The following OAT variants were observed in gnomAD, a reference collection of about 807,000 sequenced individuals.
OAT encodes the protein ornithine aminotransferase.
A neutral mutation model predicts 48.4 loss-of-function variants in OAT; 35 were observed. The observed-to-expected ratio is 0.72, with a 90% CI of 0.55 to 0.96. The LOEUF is 0.96. OAT is among the 40% of genes least tolerant of loss of function. The pLI, the probability that OAT is intolerant of heterozygous loss-of-function variation, is 0.00. For missense variants in OAT, 438 were observed against 537.9 expected (o/e 0.81, Z 1.84); for synonymous variants, 182 against 198.4 (o/e 0.92, Z 0.70).
Position 124,397,866 on chromosome 10 carries a change from C to T in OAT, c.*76G>A. 4 of 1,578,488 alleles carry T rather than the reference C, an allele frequency of 2.5e-6. No individual in the cohort carries two copies. The South Asian group carries it at 3.3e-5, about 13-fold the overall frequency. ...GACTCATGGGAGTGGAATGTGCCCA[C>T]ATTAGGAATAAAGCTTTTACAGGAC... On this transcript the variant is annotated 3_prime_UTR_variant, in exon 10 of 10. Coordinates refer to ENST00000368845, the MANE Select transcript of OAT (RefSeq NM_000274.4).
intron 2 of OAT, among the ~76,000 whole-genome samples, chr10:124,411,394 A>T (rs907592264): frequency 6.6e-6 from 1 of 152,206 alleles, no homozygotes. Flanking sequence ...AAAGAAAAAA[A>T]TGACAGCAAT....
At chr10:124,401,602 T>TAC (rs1951410173) in intron 8 of OAT, 124 bp downstream of exon 8, 1 of 732,744 alleles carries the variant, frequency 1.4e-6, no homozygotes, top group Non-Finnish European at 2.4e-6. Flanking sequence ...TTTTCCTCTA[T>TAC]ACTTCATGTT....
chr10:124,400,446 TAA>T (rs56370450), intron 9 of OAT, among the ~76,000 whole-genome samples: 1,706 of 103,772 alleles, frequency 0.016, 33 homozygotes, highest in African/African-American at 0.058. Flanking sequence ...GACTCCATCT[TAA>T]AAAAAAAAAA....
chr10:124,407,191 GGTTT>G (rs1352118773), intron 4 of OAT: 8 of 985,270 alleles, frequency 8.1e-6, no homozygotes, highest in African/African-American at 5.2e-5. Flanking sequence ...ATTTTGACTA[GGTTT>G]GTTTAAGAAG....
intron 4 of OAT, among the ~76,000 whole-genome samples, 194 bp downstream of exon 4, chr10:124,408,341 ATATTTTT>A (rs1221428761): frequency 1.2e-3 from 124 of 99,458 alleles, no homozygotes; most frequent in African/African-American, 2.3e-3. Flanking sequence ...ATATATATAT[ATATTTTT>A]TTTTTTTTTT....
intron 2 of OAT, 58 bp downstream of exon 2, chr10:124,411,915 A>AT (rs923554159): frequency 9.7e-4 from 1,456 of 1,495,514 alleles, no homozygotes; most frequent in Non-Finnish European, 1.3e-3. Flanking sequence ...TATGGAAGCA[A>AT]TTTTTTTTTA....
Position 124,411,233 on chromosome 10 carries a change from G to A in OAT, c.199+740C>T, listed in dbSNP as rs1032271615. Among the ~76,000 whole-genome samples, 13 of 151,726 alleles carry A rather than the reference G, an allele frequency of 8.6e-5. 1 individual carries two copies. The South Asian group carries it at 1.3e-3, about 15-fold the overall frequency. On this transcript the variant is annotated intron_variant, in intron 2 of 9. Transcript: ENST00000368845. Reference sequence around the variant, plus strand: ...AGAAAACAATGTAGAATATGCAGGCGGCGGGGGGAGAAGAGAAGGGAGTGA... The same window carrying A: ...AGAAAACAATGTAGAATATGCAGGCAGCGGGGGGAGAAGAGAAGGGAGTGA...
At chr10:124,405,149 G>A (rs1021099171) in intron 5 of OAT, among the ~76,000 whole-genome samples, 4 of 152,180 alleles carry the variant, frequency 2.6e-5, no homozygotes, top group African/African-American at 9.7e-5. Context: ...TAAAAAGCTA[G>A]CTAAAAACAG....
At position 124,400,864 on chromosome 10, in the gene OAT, C is replaced by T. The variant is rs1408984206; in HGVS notation, c.1135G>A (p.Ala379Thr). 9.3e-6 allele frequency: 15 copies of T among 1,604,692 alleles called. No homozygotes were observed. The highest frequency in any genetic ancestry group is 2.7e-5 in the African/African-American group (2 of 74,774). ...TAVRGKGLLN[A>T]IVIKETKDWD... ...CCTTTGGTTTCTTTAATGACAATAGCGTTTAATAATCCTTTTCCTCTTACG... is the reference window on the plus strand; with the variant it reads ...CCTTTGGTTTCTTTAATGACAATAGTGTTTAATAATCCTTTTCCTCTTACG... The change falls in exon 9 of 10, where the codon GCT becomes ACT. Residue 379 changes from alanine (A) to threonine (T), a missense_variant. Physicochemically the swap from Ala to Thr is moderately conservative, Grantham distance 58. Coordinates refer to ENST00000368845, the MANE Select transcript of OAT (RefSeq NM_000274.4).
intron 9 of OAT, among the ~76,000 whole-genome samples, chr10:124,400,580 C>G (rs1029073023): frequency 6.6e-6 from 1 of 152,036 alleles, no homozygotes; most frequent in Non-Finnish European, 1.5e-5. Flanking sequence ...TTATGAAACC[C>G]CATCTCTATT....
In OAT at chr10:124,397,889, G is replaced by A. The variant is rs1247596803; in HGVS notation, c.*53C>T. ...CACATTAGGAATAAAGCTTTTACAG[G>A]ACCACCTGTCTCCAGCTGGCTCCCA... On this transcript the variant is annotated 3_prime_UTR_variant, in exon 10 of 10. Transcript: ENST00000368845. 1 of 1,608,056 alleles carries A rather than the reference G, an allele frequency of 6.2e-7. No homozygotes were observed. The highest frequency in any genetic ancestry group is 8.5e-7 in the Non-Finnish European group (1 of 1,175,458).
At chr10:124,407,542 G>A in intron 4 of OAT, 1 of 711,866 alleles carries the variant, frequency 1.4e-6, no homozygotes, top group Non-Finnish European at 1.7e-6. Flanking sequence ...TCTTCTTTGG[G>A]AATACCAATC....
Position 124,418,906 on chromosome 10 carries a change from G to T in OAT, c.-63C>A, listed in dbSNP as rs187517997. The stretch of plus-strand genomic sequence containing the variant: ...GCCTGAGGACAACCGGGTACACGCG[G>T]CGTCTATGAAGCGCAACAGTGACGC... On this transcript the variant is annotated 5_prime_UTR_variant, in exon 1 of 10. Coordinates refer to ENST00000368845, the MANE Select transcript of OAT (RefSeq NM_000274.4). 1 of 152,294 alleles carries T rather than the reference G, an allele frequency of 6.6e-6. No homozygotes were observed. 9.4% of individuals were successfully genotyped at this position (152,294 alleles called of 1,614,324 possible).
chr10:124,399,639 C>T (rs1951344516), intron 9 of OAT, among the ~76,000 whole-genome samples: 1 of 152,100 alleles, frequency 6.6e-6, no homozygotes, highest in Non-Finnish European at 1.5e-5. Flanking sequence ...GACACCGCGC[C>T]CGGCCCCTCA....
intron 1 of OAT, among the ~76,000 whole-genome samples, chr10:124,417,221 T>TG (rs71026084): frequency 0.15 from 22,403 of 144,866 alleles, 2,158 homozygotes; most frequent in Non-Finnish European, 0.23. Context: ...GATTTTTCTT[T>TG]GGGGGGGGGA....
At chr10:124,410,498 T>G (rs1045946815) in intron 2 of OAT, among the ~76,000 whole-genome samples, 1 of 152,216 alleles carries the variant, frequency 6.6e-6, no homozygotes, top group Admixed American at 6.5e-5. Flanking sequence ...TTTTTACAAT[T>G]ACTCTATGGT....
At chr10:124,404,025 T>C in intron 5 of OAT, 105 bp from the exon 6 acceptor site, 1 of 1,367,942 alleles carries the variant, frequency 7.3e-7, no homozygotes, top group South Asian at 1.2e-5. Context: ...CAAATCAAGT[T>C]TTCGCACTAA....
Position 124,403,013 on chromosome 10 carries a change from T to C in OAT, c.814A>G (p.Thr272Ala). The C allele has an allele frequency of 6.2e-7, 1 of 1,614,158 alleles. No individual in the cohort carries two copies. Among genetic ancestry groups the C allele is most frequent in the Non-Finnish European group, 8.5e-7 (1 of 1,179,998 alleles). ...TAATCAACAGCCAGCCATCTACCAG[T>C]TCTGGCCAATCCTGTCTGTATTTCA... is the stretch of plus-strand genomic sequence containing the variant. ...ADEIQTGLAR[T>A]GRWLAVDYEN... Residue 272 changes from threonine to alanine, a missense_variant, in exon 7 of 10, where the codon ACT becomes GCT. Thr to Ala is a moderately conservative substitution (Grantham distance 58). Coordinates refer to ENST00000368845, the MANE Select transcript of OAT (RefSeq NM_000274.4).
At chr10:124,405,685 C>T in intron 4 of OAT, 122 bp from the exon 5 acceptor site, 1 of 1,532,636 alleles carries the variant, frequency 6.5e-7, no homozygotes, top group Non-Finnish European at 8.8e-7. Flanking sequence ...CTTTAGTGCA[C>T]CTTCGGTGGG....
Sources: allele counts gnomAD v4.1 joint callset (sites outside exome capture counted in the v4.1 genomes callset), GRCh38; gene constraint gnomAD v4.1.1; transcripts MANE v1.5; gene names NCBI Gene and HGNC (gene_info 2026-07-23, HGNC 2026-07-21).